The following PRLR variants were observed in gnomAD, a reference collection of about 807,000 sequenced individuals.
PRLR encodes prolactin receptor, also known as hPRL receptor.
A neutral mutation model predicts 40.2 loss-of-function variants in PRLR; 13 were observed. The ratio of observed to expected loss-of-function variants is 0.32; its 90% CI spans 0.21 to 0.51. The LOEUF is 0.51. Among genes scored for constraint, PRLR ranks in the 20% least tolerant of loss-of-function variants. The pLI is 0.97. For missense variants in PRLR, 656 were observed against 747.3 expected (o/e 0.88, Z 1.42); for synonymous variants, 269 against 278.7 (o/e 0.97, Z 0.35).
At chr5:35,066,398 T>C (rs1179028709) in intron 9 of PRLR, among the ~76,000 whole-genome samples, 2 of 152,058 alleles carry the variant, frequency 1.3e-5, no homozygotes, top group African/African-American at 2.4e-5. Context: ...AAAATGAAGG[T>C]TTGTGAAACT....
At chr5:35,157,863 G>T (rs1206326163) in intron 1 of PRLR, among the ~76,000 whole-genome samples, 1 of 152,130 alleles carries the variant, frequency 6.6e-6, no homozygotes, top group Non-Finnish European at 1.5e-5. Flanking sequence ...ACTTTTTTGT[G>T]TGTGTTCCAG....
chr5:35,102,773 C>T (rs1253329489), intron 2 of PRLR, among the ~76,000 whole-genome samples: 1 of 152,104 alleles, frequency 6.6e-6, no homozygotes, highest in African/African-American at 2.4e-5. Context: ...GAACTCCTGA[C>T]CTCAGGTGAT....
At chr5:35,071,506 A>G (rs1332367476) in intron 6 of PRLR, among the ~76,000 whole-genome samples, 3 of 152,256 alleles carry the variant, frequency 2.0e-5, no homozygotes, top group Admixed American at 2.0e-4. Flanking sequence ...TTTTTAAAAG[A>G]GGCATATACT....
At chr5:35,162,069 C>T (rs75238688) in intron 1 of PRLR, among the ~76,000 whole-genome samples, 2,220 of 152,228 alleles carry the variant, frequency 0.015, 17 homozygotes, top group Non-Finnish European at 0.02. Flanking sequence ...AAATAGCTGC[C>T]GCTTTTCCAA....
At chr5:35,208,862 T>C (rs928702502) in intron 1 of PRLR, among the ~76,000 whole-genome samples, 2 of 152,082 alleles carry the variant, frequency 1.3e-5, no homozygotes, top group Middle Eastern at 3.4e-3. Flanking sequence ...GTATGAAGGG[T>C]AGTGAGTGTA....
intron 2 of PRLR, among the ~76,000 whole-genome samples, chr5:35,107,011 A>G (rs1184269345): frequency 1.3e-5 from 2 of 152,230 alleles, no homozygotes; most frequent in African/African-American, 4.8e-5. Flanking sequence ...AAGAACAGAA[A>G]TTATAACAAA....
intron 1 of PRLR, among the ~76,000 whole-genome samples, chr5:35,220,343 T>C (rs1219704933): frequency 6.6e-6 from 1 of 152,150 alleles, no homozygotes; most frequent in East Asian, 1.9e-4. Context: ...TTTCCAGTCT[T>C]AGGACTTTTG....
intron 1 of PRLR, among the ~76,000 whole-genome samples, chr5:35,218,442 A>G (rs1776338456): frequency 6.6e-6 from 1 of 152,244 alleles, no homozygotes; most frequent in South Asian, 2.1e-4. Context: ...AAGACAAATC[A>G]TCACAATTAC....
intron 1 of PRLR, among the ~76,000 whole-genome samples, chr5:35,122,942 G>A (rs1157262011): frequency 6.6e-6 from 1 of 152,190 alleles, no homozygotes; most frequent in Non-Finnish European, 1.5e-5. Context: ...ATAGGGTAAA[G>A]TCAAGTCAAC....
exon 9 of PRLR, chr5:35,049,305 T>C (rs2112317911): frequency 1.4e-6 from 1 of 703,398 alleles, no homozygotes; most frequent in Non-Finnish European, 2.6e-6. Context: ...CTGTGGTCAA[T>C]GTTGCCTTTG....
At chr5:35,123,213 C>T (rs927045572) in intron 1 of PRLR, among the ~76,000 whole-genome samples, 6 of 152,090 alleles carry the variant, frequency 3.9e-5, no homozygotes, top group African/African-American at 1.4e-4. Flanking sequence ...AGTAGAGACT[C>T]CTGACAGCAT....
In PRLR at chr5:35,068,638, A is replaced by AT. The variant is rs142999212; in HGVS notation, c.785+140dup. 6,466 of 696,308 alleles carry AT rather than the reference A, an allele frequency of 9.3e-3. 268 individuals carry two copies. In the African/African-American group the frequency reaches 0.098, roughly 11 times the overall value. 43.1% of individuals were successfully genotyped at this position (696,308 alleles called of 1,614,324 possible). On this transcript the variant is annotated intron_variant, in intron 8 of 9. Coordinates refer to ENST00000618457, the MANE Select transcript of PRLR (RefSeq NM_000949.7). Reference sequence around the variant, plus strand: ...CTACTTTTTATAGCACTGATAAAAGATTTTTTTTATGGGCAAACACACTAC... The same window carrying AT: ...CTACTTTTTATAGCACTGATAAAAGATTTTTTTTTATGGGCAAACACACTAC...
chr5:35,113,090 C>T (rs537767107), intron 2 of PRLR, among the ~76,000 whole-genome samples: 24 of 151,872 alleles, frequency 1.6e-4, no homozygotes, highest in African/African-American at 5.8e-4. Context: ...ATCAACCTAC[C>T]CACCCATCTT....
intron 1 of PRLR, among the ~76,000 whole-genome samples, chr5:35,122,672 A>T (rs1021681872): frequency 1.3e-5 from 2 of 152,250 alleles, no homozygotes; most frequent in Non-Finnish European, 2.9e-5. Flanking sequence ...GATTTCTGGC[A>T]ATTGATAGAG....
chr5:35,067,282 G>C (rs1769438585), intron 9 of PRLR, among the ~76,000 whole-genome samples: 1 of 152,194 alleles, frequency 6.6e-6, no homozygotes, highest in Admixed American at 6.5e-5. Context: ...TGAGACAAAA[G>C]TAGCTATTTT....
At chr5:35,068,753 G>A in intron 8 of PRLR, 26 bp downstream of exon 8, 10 of 1,500,476 alleles carry the variant, frequency 6.7e-6, no homozygotes, top group Non-Finnish European at 9.2e-6. Context: ...ATGATTGGGA[G>A]GAAAAGTTGA....
rs1768993766 is a variant in PRLR at position 35,060,822 on chromosome 5, A to G, written c.*4267T>C. The G allele has an allele frequency of 6.6e-6, 1 of 152,224 alleles. No homozygotes were observed. The highest frequency in any genetic ancestry group is 2.4e-5 in the African/African-American group (1 of 41,460). The allele number at this position is 152,224 out of a possible 1,614,324, so 9.4% of individuals were successfully genotyped here. On this transcript the variant is annotated 3_prime_UTR_variant, in exon 10 of 10. Transcript: ENST00000618457. The stretch of plus-strand genomic sequence containing the variant: ...TTTTCTGTTTGTGTACAAAGTTCCA[A>G]TGTGCATGCATTGTTCTCTTCAGGT...
chr5:35,190,626 A>AAT (rs1775575342), intron 1 of PRLR, among the ~76,000 whole-genome samples: 1 of 152,180 alleles, frequency 6.6e-6, no homozygotes, highest in African/African-American at 2.4e-5. Flanking sequence ...AAAAAAAAAA[A>AAT]AAGTTCTGCT....
At chr5:35,185,922 G>GAA (rs1775414283) in intron 1 of PRLR, among the ~76,000 whole-genome samples, 1 of 152,180 alleles carries the variant, frequency 6.6e-6, no homozygotes, top group Non-Finnish European at 1.5e-5. Context: ...AGTGTTCTCT[G>GAA]ATTCGTCGAA....
Sources: gnomAD v4.1 joint callset for allele counts (sites outside exome capture counted in the v4.1 genomes callset) on GRCh38, gnomAD v4.1.1 for gene constraint, MANE v1.5 for transcripts, NCBI Gene and HGNC (gene_info 2026-07-23, HGNC 2026-07-21) for gene names.